Variants in ZNF564 observed in about 807,000 individuals in gnomAD.
The protein encoded by ZNF564 is zinc finger protein 564.
ZNF564 carries 5 observed loss-of-function variants against 10.5 expected under a neutral mutation model. The ratio of observed to expected loss-of-function variants is 0.48; its 90% confidence interval spans 0.25 to 1.00. The LOEUF is 1.00. ZNF564 is among the 50% of genes least tolerant of loss of function. ZNF564 has a pLI of 0.16. For synonymous variants in ZNF564, 242 were observed against 218.1 expected, an observed-to-expected ratio of 1.11 and a Z score of -0.97; for missense variants, 603 against 669.7, an observed-to-expected ratio of 0.90 and a Z score of 1.10.
chr19:12,539,513 A>G (rs976150914), intron 1 of ZNF564, among the ~76,000 whole-genome samples: 1 of 149,562 alleles, frequency 6.7e-6, no homozygotes, highest in Non-Finnish European at 1.5e-5. Flanking sequence ...CAAAAAAAAA[A>G]AAAAAAGAGT....
At chr19:12,529,998 AAAAG>A (rs1029550371) in intron 1 of ZNF564, 211 of 157,670 alleles carry the variant, frequency 1.3e-3, no homozygotes, top group Non-Finnish European at 2.3e-3. Flanking sequence ...AAAAAAAAAA[AAAAG>A]AAAGAAAGAA....
At chr19:12,531,334 C>T (rs190717006) in intron 1 of ZNF564, among the ~76,000 whole-genome samples, 99 of 152,124 alleles carry the variant, frequency 6.5e-4, no homozygotes, top group Middle Eastern at 3.4e-3. Context: ...CTTGAGTTCA[C>T]TTGAGTCAGG....
chr19:12,534,599 AG>A (rs1214218535), intron 1 of ZNF564, among the ~76,000 whole-genome samples: 1 of 152,176 alleles, frequency 6.6e-6, no homozygotes, highest in East Asian at 1.9e-4. Context: ...GGATCACCTG[AG>A]GTCAGGAGTT....
At chr19:12,549,793 C>T (rs1478597037) in intron 1 of ZNF564, among the ~76,000 whole-genome samples, 1 of 152,058 alleles carries the variant, frequency 6.6e-6, no homozygotes, top group Non-Finnish European at 1.5e-5. Context: ...GAGGAGTGAC[C>T]CAGGGGTTGA....
chr19:12,538,216 C>T (rs1186477930), intron 1 of ZNF564, among the ~76,000 whole-genome samples: 1 of 151,854 alleles, frequency 6.6e-6, no homozygotes, highest in Admixed American at 6.6e-5. Flanking sequence ...TAGCTCGGTG[C>T]AGTGGCTCAC....
chr19:12,536,595 G>A (rs748642102), intron 1 of ZNF564, among the ~76,000 whole-genome samples: 4 of 152,246 alleles, frequency 2.6e-5, no homozygotes, highest in Admixed American at 1.3e-4. Flanking sequence ...GAGAAGTTAG[G>A]AGCCCAGCAC....
Position 12,551,335 on chromosome 19 carries a change from C to A in ZNF564, c.-3G>T, listed in dbSNP as rs771683477. The A allele has an allele frequency of 4.7e-5, 76 of 1,607,640 alleles. No individual in the cohort carries two copies. The highest frequency in any genetic ancestry group is 6.4e-5 in the Non-Finnish European group (75 of 1,177,312). On this transcript the variant is annotated 5_prime_UTR_variant, in exon 1 of 4. Transcript: ENST00000339282. ...GCCCGGCCCCGCACACGCACCATTT[C>A]CTGGCTTCCAGGGTGTCCCGGGGTC...
At position 12,526,512 on chromosome 19, in the gene ZNF564, A is replaced by C; in HGVS notation, c.1596T>G (p.Pro532=). 3 of 1,608,158 alleles carry C rather than the reference A, an allele frequency of 1.9e-6. No homozygotes were observed. In the South Asian group the frequency reaches 3.4e-5, roughly 18 times the overall value. The change falls in exon 4 of 4, where the codon CCT becomes CCG. Residue 532 remains proline, a synonymous_variant. Coordinates refer to ENST00000339282, the MANE Select transcript of ZNF564 (RefSeq NM_144976.4). Reference sequence around the variant, plus strand: ...AAAGCTTTCCCACATTCTTTACGTAAGGTTTATCTCCATTATGAGCTCTTT... The same window carrying C: ...AAAGCTTTCCCACATTCTTTACGTACGGTTTATCTCCATTATGAGCTCTTT... ...RHERAHNGDK[P]YVKNVGKLSF...
At chr19:12,536,651 C>G (rs189781963) in intron 1 of ZNF564, among the ~76,000 whole-genome samples, 50 of 152,236 alleles carry the variant, frequency 3.3e-4, no homozygotes, top group South Asian at 6.2e-4. Flanking sequence ...ACCATCAGTA[C>G]TGTCTAGAAT....
Position 12,528,291 on chromosome 19 carries a change from C to T in ZNF564, c.191+13G>A, listed in dbSNP as rs760248295. The T allele has an allele frequency of 1.2e-5, 19 of 1,604,404 alleles. No homozygotes were observed. Among genetic ancestry groups the T allele is most frequent in the Admixed American group, 1.8e-5 (1 of 56,862 alleles). On this transcript the variant is annotated intron_variant, in intron 3 of 3. Transcript: ENST00000339282. ...AGAAGGAGACATTGCTTTATCTTGTCAGTGCAAATTACCTTAAAATTCTCC... is the reference window on the plus strand; with the variant it reads ...AGAAGGAGACATTGCTTTATCTTGTTAGTGCAAATTACCTTAAAATTCTCC...
At chr19:12,544,056 G>A (rs2022108469) in intron 1 of ZNF564, among the ~76,000 whole-genome samples, 2 of 152,154 alleles carry the variant, frequency 1.3e-5, no homozygotes, top group Admixed American at 6.6e-5. Context: ...CCAGCCTCCA[G>A]AACTGTGAAA....
intron 1 of ZNF564, among the ~76,000 whole-genome samples, chr19:12,535,930 T>C (rs1019447673): frequency 1.3e-5 from 2 of 151,464 alleles, no homozygotes; most frequent in Non-Finnish European, 2.9e-5. Flanking sequence ...GGAGAATTGC[T>C]TGAACCCGGG....
chr19:12,546,384 G>A (rs190704595), intron 1 of ZNF564, among the ~76,000 whole-genome samples: 1 of 152,202 alleles, frequency 6.6e-6, no homozygotes, highest in East Asian at 1.9e-4. Flanking sequence ...CATACTGCGG[G>A]GGAAAAAACC....
chr19:12,532,302 A>G (rs889803013), intron 1 of ZNF564, among the ~76,000 whole-genome samples: 3 of 151,632 alleles, frequency 2.0e-5, no homozygotes, highest in South Asian at 2.1e-4. Flanking sequence ...TTGGGAGGCC[A>G]AGGCGGGCGG....
At chr19:12,539,875 G>A (rs1250375012) in intron 1 of ZNF564, among the ~76,000 whole-genome samples, 1 of 151,490 alleles carries the variant, frequency 6.6e-6, no homozygotes, top group Non-Finnish European at 1.5e-5. Flanking sequence ...CAGCTACTCG[G>A]GAGGCTGAGG....
intron 1 of ZNF564, among the ~76,000 whole-genome samples, chr19:12,533,870 T>TA (rs2145073264): frequency 8.6e-6 from 1 of 116,406 alleles, no homozygotes; most frequent in South Asian, 2.6e-4. Context: ...AGGAAATCAA[T>TA]AGAGATTAAA....
At chr19:12,529,447 T>C (rs1418694627) in intron 1 of ZNF564, among the ~76,000 whole-genome samples, 2 of 150,776 alleles carry the variant, frequency 1.3e-5, no homozygotes, top group Non-Finnish European at 3.0e-5. Context: ...CTACCAAAAA[T>C]ACAAAAAAAT....
At position 12,526,346 on chromosome 19, in the gene ZNF564, G is replaced by A; in HGVS notation, c.*100C>T. 8.2e-7 allele frequency: 1 copy of A among 1,221,674 alleles called. No individual in the cohort carries two copies. Among genetic ancestry groups the A allele is most frequent in the South Asian group, 1.6e-5 (1 of 63,894 alleles). The allele number at this position is 1,221,674 out of a possible 1,614,324, so 75.7% of individuals were successfully genotyped here. A position where few individuals can be genotyped will look rare whatever the true frequency, so the allele number is the denominator to read the frequency against. On this transcript the variant is annotated 3_prime_UTR_variant, in exon 4 of 4. Coordinates refer to ENST00000339282, the MANE Select transcript of ZNF564 (RefSeq NM_144976.4). ...TTCCTATTCCAAAAGTGAGAAACAG[G>A]AGAAAGGGGTGAGCTCCCAAACAAG...
intron 1 of ZNF564, 94 bp from the exon 2 acceptor site, chr19:12,528,790 G>T: frequency 7.1e-7 from 1 of 1,405,456 alleles, no homozygotes; most frequent in South Asian, 1.4e-5. Context: ...ATGGCTAGGT[G>T]TGGTGGCTCA....
Sources: gnomAD v4.1 joint callset for allele counts (sites outside exome capture counted in the v4.1 genomes callset) on GRCh38, gnomAD v4.1.1 for gene constraint, MANE v1.5 for transcripts, NCBI Gene and HGNC (gene_info 2026-07-23, HGNC 2026-07-21) for gene names.